The following NSF variants were observed in gnomAD, a reference collection of about 807,000 sequenced individuals.
The protein encoded by NSF is N-ethylmaleimide sensitive factor, vesicle fusing ATPase.
NSF carries 14 observed loss-of-function variants against 50.3 expected under a neutral mutation model. The observed-to-expected ratio is 0.28, with a 90% CI of 0.18 to 0.44. The LOEUF (loss-of-function observed/expected upper bound fraction) is 0.44, where lower values mean the gene tolerates loss of function less well. Ranked by LOEUF, NSF falls within the 20% of genes least tolerant of loss-of-function variation. The pLI is 1.00. For missense variants in NSF, 218 were observed against 504.3 expected (o/e 0.43, Z 5.44); for synonymous variants, 109 against 175.7 (o/e 0.62, Z 3.00).
Position 46,755,926 on chromosome 17 carries a change from T to C in NSF, c.*103T>C, listed in dbSNP as rs1350255932. On this transcript the variant is annotated 3_prime_UTR_variant, in exon 21 of 21. Coordinates refer to ENST00000398238, the MANE Select transcript of NSF (RefSeq NM_006178.4). Reference sequence around the variant, plus strand: ...TCAAGATACTGGACTAAGTGGAACGTTCTCTACCTTCAACATGTGCTCGCT... The same window carrying C: ...TCAAGATACTGGACTAAGTGGAACGCTCTCTACCTTCAACATGTGCTCGCT... 7 of 1,120,334 alleles carry C rather than the reference T, an allele frequency of 6.2e-6. No homozygotes were observed. In the Admixed American group the frequency reaches 1.5e-4, roughly 24 times the overall value. 69.4% of individuals were successfully genotyped at this position (1,120,334 alleles called of 1,614,324 possible).
intron 17 of NSF, among the ~76,000 whole-genome samples, chr17:46,747,326 G>T (rs991419668): frequency 6.6e-6 from 1 of 152,102 alleles, no homozygotes; most frequent in Admixed American, 6.5e-5. Context: ...TGTCACCCAG[G>T]CAGGAGTGCA....
At chr17:46,718,690 A>G (rs538598534) in intron 15 of NSF, among the ~76,000 whole-genome samples, 1 of 152,316 alleles carries the variant, frequency 6.6e-6, no homozygotes, top group African/African-American at 2.4e-5. Context: ...GACCTTGGAT[A>G]TGTCATTTAA....
At chr17:46,721,205 C>T (rs2058827417) in intron 15 of NSF, among the ~76,000 whole-genome samples, 1 of 152,222 alleles carries the variant, frequency 6.6e-6, no homozygotes, top group Non-Finnish European at 1.5e-5. Context: ...CATACCCCTC[C>T]AGCCTGTGTC....
chr17:46,710,885 C>T lies in NSF; in HGVS notation c.1471-78C>T, dbSNP rs755949781. 1.2e-5 allele frequency: 16 copies of T among 1,293,792 alleles called. No homozygotes were observed. In the African/African-American group the frequency reaches 1.7e-4, roughly 14 times the overall value. The allele number at this position is 1,293,792 out of a possible 1,614,324, so 80.1% of individuals were successfully genotyped here. A position where few individuals can be genotyped will look rare whatever the true frequency, so the allele number is the denominator to read the frequency against. ...TAGTGATCAATACCTTTAGCATGTA[C>T]GGATTATAACTCGTCTTTTATACTG... On this transcript the variant is annotated intron_variant, in intron 13 of 20. Transcript: ENST00000398238.
intron 17 of NSF, among the ~76,000 whole-genome samples, chr17:46,731,040 A>G (rs1343575073): frequency 6.6e-6 from 1 of 152,164 alleles, no homozygotes; most frequent in African/African-American, 2.4e-5. Flanking sequence ...CCTACAAGCA[A>G]TGAAAAACAT....
In NSF at chr17:46,719,923, T is replaced by A. The variant is rs1385869025; in HGVS notation, c.1761+5937T>A. ...TACCCATTAATAACATGATATAGTCTTATTTTCAAAGGATTGAAAATTAAT... is the reference window on the plus strand; with the variant it reads ...TACCCATTAATAACATGATATAGTCATATTTTCAAAGGATTGAAAATTAAT... On this transcript the variant is annotated intron_variant, in intron 15 of 20. Transcript: ENST00000398238. This position sits in a 1 kb window ranked among gnomAD's most constrained non-coding sequence, Gnocchi z 4.3. 6.6e-6 allele frequency among the ~76,000 whole-genome samples: 1 copy of A among 152,252 alleles called. No individual in the cohort carries two copies. The highest frequency in any genetic ancestry group is 1.5e-5 in the Non-Finnish European group (1 of 68,050).
At chr17:46,637,016 G>A (rs1203087325) in intron 4 of NSF, among the ~76,000 whole-genome samples, 1 of 151,484 alleles carries the variant, frequency 6.6e-6, no homozygotes, top group East Asian at 1.9e-4. Flanking sequence ...CACCACGCCC[G>A]GCTAATTTTT....
At chr17:46,754,868 A>G in intron 19 of NSF, among the ~76,000 whole-genome samples, 1 of 152,240 alleles carries the variant, frequency 6.6e-6, no homozygotes, top group East Asian at 1.9e-4. Flanking sequence ...ATGGTTGGTT[A>G]TGTAGAGTTA....
Position 46,601,854 on chromosome 17 carries a change from G to A in NSF, c.12+11067G>A, listed in dbSNP as rs565214776. ...TTGGCTCTTTTCCGTATGAATTCTG[G>A]GAACAACTTAATCCCCACTCCTTTA... On this transcript the variant is annotated intron_variant, in intron 1 of 20. Coordinates refer to ENST00000398238, the MANE Select transcript of NSF (RefSeq NM_006178.4). 5.3e-5 allele frequency among the ~76,000 whole-genome samples: 8 copies of A among 150,634 alleles called. No homozygotes were observed. The South Asian group carries it at 1.7e-3, about 31-fold the overall frequency.
chr17:46,704,868 T>C lies in NSF; in HGVS notation c.1470+14T>C, dbSNP rs1341460722. The C allele has an allele frequency of 3.8e-6, 6 of 1,591,976 alleles. No individual in the cohort carries two copies. The highest frequency in any genetic ancestry group is 5.1e-6 in the Non-Finnish European group (6 of 1,173,892). On this transcript the variant is annotated intron_variant, in intron 13 of 20. Transcript: ENST00000398238. ...GATATCAAACCAGTGAGTATGCCCA[T>C]TGAGTGATATATAGGCCAAAAAGTA...
intron 9 of NSF, among the ~76,000 whole-genome samples, chr17:46,680,745 TATA>T (rs986951292): frequency 5.4e-5 from 4 of 73,492 alleles, no homozygotes; most frequent in Non-Finnish European, 2.7e-5. Flanking sequence ...AAAAGTCTTG[TATA>T]ATAAGAAAAA....
intron 9 of NSF, among the ~76,000 whole-genome samples, chr17:46,691,594 C>T (rs933312940): frequency 2.0e-5 from 3 of 151,404 alleles, no homozygotes; most frequent in African/African-American, 4.9e-5. Context: ...GACTTCATCT[C>T]AAACAAACAA....
intron 17 of NSF, among the ~76,000 whole-genome samples, chr17:46,736,616 GAA>G (rs1312242787): frequency 6.6e-6 from 1 of 151,866 alleles, no homozygotes; most frequent in African/African-American, 2.4e-5. Context: ...TGATAATCAG[GAA>G]AAAATAAAAA....
chr17:46,738,347 A>G lies in NSF; in HGVS notation c.1908+9413A>G, dbSNP rs548877149. ...TCACTGGAGGGAAGAATAGAAATTC[A>G]TAAGAAATTATAGGCTTCATTTTTT... On this transcript the variant is annotated intron_variant, in intron 17 of 20. Transcript: ENST00000398238. 4.6e-5 allele frequency among the ~76,000 whole-genome samples: 7 copies of G among 152,362 alleles called. No individual in the cohort carries two copies. In the East Asian group the frequency reaches 1.2e-3, roughly 25 times the overall value.
chr17:46,726,154 C>T (rs2058887613), intron 15 of NSF, among the ~76,000 whole-genome samples: 1 of 152,144 alleles, frequency 6.6e-6, no homozygotes, highest in African/African-American at 2.4e-5. Context: ...CTTAACAGAG[C>T]CACAATTCTT....
intron 15 of NSF, among the ~76,000 whole-genome samples, chr17:46,716,195 A>G (rs1381283884): frequency 6.6e-6 from 1 of 152,066 alleles, no homozygotes; most frequent in South Asian, 2.1e-4. Context: ...GTTTTTGAAA[A>G]TGAAATGTAA....
At chr17:46,734,549 G>GTA (rs144707011) in intron 17 of NSF, among the ~76,000 whole-genome samples, 2,625 of 152,108 alleles carry the variant, frequency 0.017, 85 homozygotes, top group African/African-American at 0.061. Flanking sequence ...ATGTGTGTGT[G>GTA]TATATATACA....
chr17:46,748,137 C>T (rs539396740), intron 17 of NSF, among the ~76,000 whole-genome samples: 8 of 152,102 alleles, frequency 5.3e-5, no homozygotes, highest in East Asian at 1.9e-4. Flanking sequence ...GATGGAGTTT[C>T]GCTCTTGTTG....
chr17:46,657,920 G>A (rs1318790276), intron 8 of NSF, among the ~76,000 whole-genome samples: 1 of 88,616 alleles, frequency 1.1e-5, no homozygotes, highest in Non-Finnish European at 2.0e-5. Flanking sequence ...TCGCTTTGAA[G>A]AGCTCACCAC....
Sources: allele counts gnomAD v4.1 joint callset (sites outside exome capture counted in the v4.1 genomes callset), GRCh38; gene constraint gnomAD v4.1.1; non-coding constraint Gnocchi (gnomAD v3.1); transcripts MANE v1.5; gene names NCBI Gene and HGNC (gene_info 2026-07-23, HGNC 2026-07-21).